The following SLC8A1 variants were observed in gnomAD, a reference collection of about 807,000 sequenced individuals.
The protein encoded by SLC8A1 is solute carrier family 8 member A1.
In SLC8A1, 18 loss-of-function variants were observed where a neutral mutation model predicts 68.3. That is an observed-to-expected ratio of 0.26 (90% confidence interval 0.18 to 0.39). The LOEUF (loss-of-function observed/expected upper bound fraction) is 0.39. Ranked by LOEUF, SLC8A1 falls within the 10% of genes least tolerant of loss-of-function variation. The pLI is 1.00. For missense variants in SLC8A1, 985 were observed against 1,156.7 expected, an observed-to-expected ratio of 0.85 and a Z score of 2.15; for synonymous variants, 475 against 415.5, an observed-to-expected ratio of 1.14 and a Z score of -1.74.
At chr2:40,487,018 A>T (rs1035526895) in intron 1 of SLC8A1, among the ~76,000 whole-genome samples, 4 of 151,928 alleles carry the variant, frequency 2.6e-5, no homozygotes, top group African/African-American at 9.7e-5. Context: ...AGGGCGGGGA[A>T]CATCACACAC....
At chr2:40,101,087 T>A (rs1214669671) in exon 8 of SLC8A1, 1 of 152,164 alleles carries the variant, frequency 6.6e-6, no homozygotes, top group Non-Finnish European at 1.5e-5. Flanking sequence ...TACACACATA[T>A]AACCCACAAT....
At chr2:40,427,711 A>G (rs983829120) in intron 2 of SLC8A1, among the ~76,000 whole-genome samples, 1 of 152,016 alleles carries the variant, frequency 6.6e-6, no homozygotes, top group East Asian at 1.9e-4. Flanking sequence ...GGAAGAATAA[A>G]TTTTTCCTTC....
chr2:40,197,970 C>G (rs1279188597), intron 2 of SLC8A1, among the ~76,000 whole-genome samples: 1 of 151,908 alleles, frequency 6.6e-6, no homozygotes. Flanking sequence ...ATCTTTAGTT[C>G]TGGCAGCTCC....
chr2:40,342,486 A>G (rs1037579090), intron 2 of SLC8A1, among the ~76,000 whole-genome samples: 1 of 152,140 alleles, frequency 6.6e-6, no homozygotes, highest in African/African-American at 2.4e-5. Context: ...ATTGAAAAGA[A>G]TAGTAGTAAA....
rs527579720 is a variant in SLC8A1, at chr2:40,238,579, C to G, written c.1809-60724G>C. Reference sequence around the variant, plus strand: ...TCGCCCGTCTTCTGCGTCGCTCACGCTGGGAGCTGTAGACCGGAGCTGTTC... The same window carrying G: ...TCGCCCGTCTTCTGCGTCGCTCACGGTGGGAGCTGTAGACCGGAGCTGTTC... On this transcript the variant is annotated intron_variant, in intron 2 of 7. Transcript: ENST00000406785. Among the ~76,000 whole-genome samples the G allele has an allele frequency of 2.0e-5, 3 of 152,356 alleles. No individual in the cohort carries two copies. The South Asian group carries it at 6.2e-4, about 32-fold the overall frequency.
At chr2:40,323,844 A>G (rs1202135617) in intron 2 of SLC8A1, among the ~76,000 whole-genome samples, 1 of 152,154 alleles carries the variant, frequency 6.6e-6, no homozygotes, top group African/African-American at 2.4e-5. Context: ...CAAGGTATCT[A>G]TTTCACTTAT....
intron 2 of SLC8A1, among the ~76,000 whole-genome samples, chr2:40,255,653 T>C (rs886074971): frequency 6.6e-6 from 1 of 152,182 alleles, no homozygotes; most frequent in Non-Finnish European, 1.5e-5. Flanking sequence ...CATAATTTTG[T>C]TGTGGAAAAT....
intron 2 of SLC8A1, among the ~76,000 whole-genome samples, chr2:40,378,128 T>G (rs1056666975): frequency 1.8e-4 from 28 of 152,076 alleles, no homozygotes; most frequent in African/African-American, 6.0e-4. Context: ...CTTTATAGAG[T>G]TTAAATTCTG....
chr2:40,269,532 C>A (rs2065763215), intron 2 of SLC8A1, among the ~76,000 whole-genome samples: 1 of 152,088 alleles, frequency 6.6e-6, no homozygotes, highest in Non-Finnish European at 1.5e-5. Flanking sequence ...TTAGCAGAAC[C>A]CTTTATTTCC....
intron 2 of SLC8A1, among the ~76,000 whole-genome samples, chr2:40,242,780 G>A (rs2061386895): frequency 6.6e-6 from 1 of 152,186 alleles, no homozygotes; most frequent in African/African-American, 2.4e-5. Flanking sequence ...CATGCCTTGT[G>A]TTTCAAGACT....
upstream of SLC8A1, among the ~76,000 whole-genome samples, chr2:40,455,164 C>G (rs1449031561): frequency 6.6e-6 from 1 of 152,174 alleles, no homozygotes; most frequent in Non-Finnish European, 1.5e-5. Flanking sequence ...AGGAAACCTT[C>G]AGGGGATCTG....
intron 2 of SLC8A1, among the ~76,000 whole-genome samples, chr2:40,313,471 TA>T (rs1301016381): frequency 1.3e-5 from 2 of 152,008 alleles, no homozygotes; most frequent in African/African-American, 2.4e-5. Flanking sequence ...GTTTAACTTT[TA>T]AAAAAACGGT....
chr2:40,105,114 A>T (rs1362524503), exon 8 of SLC8A1: 1 of 152,200 alleles, frequency 6.6e-6, no homozygotes, highest in East Asian at 1.9e-4. Context: ...AAGGAGAATT[A>T]GAAAATAAAA....
intron 2 of SLC8A1, among the ~76,000 whole-genome samples, chr2:40,315,147 G>A (rs1015140139): frequency 9.9e-5 from 15 of 151,796 alleles, no homozygotes; most frequent in Non-Finnish European, 1.9e-4. Context: ...TCCTTTATTA[G>A]GTTGAAGAAG....
At chr2:40,378,698 A>C (rs2149538786) in intron 2 of SLC8A1, among the ~76,000 whole-genome samples, 1 of 152,244 alleles carries the variant, frequency 6.6e-6, no homozygotes, top group East Asian at 1.9e-4. Context: ...AGTCAGACAC[A>C]TGGAGAGAAG....
At chr2:40,359,602 G>C (rs2149475010) in intron 2 of SLC8A1, among the ~76,000 whole-genome samples, 1 of 152,202 alleles carries the variant, frequency 6.6e-6, no homozygotes, top group Non-Finnish European at 1.5e-5. Flanking sequence ...AAGAAGTAGA[G>C]ATAAGAGGAG....
At chr2:40,462,007 T>C (rs1464748029) in intron 1 of SLC8A1, among the ~76,000 whole-genome samples, 1 of 26,642 alleles carries the variant, frequency 3.8e-5, no homozygotes, top group Non-Finnish European at 1.1e-4. Flanking sequence ...CCTCCTTTTT[T>C]TTTTTTTTTT....
chr2:40,299,492 T>G (rs1423362829), intron 2 of SLC8A1, among the ~76,000 whole-genome samples: 1 of 152,046 alleles, frequency 6.6e-6, no homozygotes, highest in Non-Finnish European at 1.5e-5. Context: ...CCCTGGAAGA[T>G]CTGTTCTGAA....
At chr2:40,277,087 A>C (rs2066796617) in intron 2 of SLC8A1, among the ~76,000 whole-genome samples, 1 of 152,242 alleles carries the variant, frequency 6.6e-6, no homozygotes, top group Non-Finnish European at 1.5e-5. Context: ...TCAAGGTGCA[A>C]GAATAGAGGA....
Sources: allele counts gnomAD v4.1 joint callset (sites outside exome capture counted in the v4.1 genomes callset), GRCh38; gene constraint gnomAD v4.1.1; transcripts MANE v1.5; gene names NCBI Gene and HGNC (gene_info 2026-07-23, HGNC 2026-07-21).